MTHFS: variants seen among roughly 807,000 people sequenced by gnomAD.
MTHFS encodes methenyltetrahydrofolate synthetase.
MTHFS carries 7 observed loss-of-function variants against 12.7 expected under a neutral mutation model. That is an observed-to-expected ratio of 0.55 (90% CI 0.31 to 1.03). The LOEUF (loss-of-function observed/expected upper bound fraction) is 1.03, where lower values mean the gene tolerates loss of function less well. Ranked by LOEUF, MTHFS falls within the 50% of genes least tolerant of loss-of-function variation. The pLI, the probability that MTHFS is intolerant of heterozygous loss-of-function variation, is 0.05. For missense variants in MTHFS, 252 were observed against 258.1 expected, an observed-to-expected ratio of 0.98 and a Z score of 0.16; for synonymous variants, 100 against 97.1, an observed-to-expected ratio of 1.03 and a Z score of -0.18.
intron 2 of MTHFS, among the ~76,000 whole-genome samples, chr15:79,886,549 A>C (rs536754562): frequency 8.9e-4 from 136 of 152,298 alleles, no homozygotes; most frequent in Admixed American, 2.3e-3. Context: ...AATACTATAG[A>C]GGAGAAAAAA....
intron 2 of MTHFS, among the ~76,000 whole-genome samples, chr15:79,847,241 C>T (rs623903): frequency 0.94 from 142,445 of 152,126 alleles, 67,207 homozygotes; most frequent in East Asian, 1. Flanking sequence ...GCAGTTTACT[C>T]GCTTGGACAG....
intron 2 of MTHFS, among the ~76,000 whole-genome samples, chr15:79,847,695 T>G (rs1205258152): frequency 6.9e-6 from 1 of 144,044 alleles, no homozygotes; most frequent in Non-Finnish European, 1.5e-5. Context: ...AAAAAAGACT[T>G]AAACAGACAT....
intron 2 of MTHFS, among the ~76,000 whole-genome samples, chr15:79,882,538 G>A (rs373906508): frequency 5.3e-5 from 8 of 152,226 alleles, no homozygotes; most frequent in African/African-American, 1.7e-4. Flanking sequence ...AGATATGGCA[G>A]GTTCAGCATC....
chr15:79,880,014 C>T (rs72734760), intron 2 of MTHFS, among the ~76,000 whole-genome samples: 11,524 of 152,224 alleles, frequency 0.076, 581 homozygotes, highest in Non-Finnish European at 0.11. Flanking sequence ...GTTCAATTTC[C>T]ATCTCATGAT....
At chr15:79,857,170 A>AT (rs1000226566) in intron 2 of MTHFS, among the ~76,000 whole-genome samples, 5 of 151,266 alleles carry the variant, frequency 3.3e-5, no homozygotes, top group South Asian at 2.1e-4. Context: ...TAATTTTTAT[A>AT]TTTTTTTAGT....
intron 2 of MTHFS, among the ~76,000 whole-genome samples, chr15:79,872,103 C>CA (rs58835744): frequency 0.11 from 7,100 of 65,764 alleles, 537 homozygotes; most frequent in South Asian, 0.17. Context: ...GACTCCGTCT[C>CA]AAAAAAAAAA....
At position 79,845,412 on chromosome 15, in the gene MTHFS, A is replaced by G. The variant is rs2033594517; in HGVS notation, c.410T>C (p.Leu137Pro). 12 of 1,614,190 alleles carry G rather than the reference A, an allele frequency of 7.4e-6. No homozygotes were observed. The highest frequency in any genetic ancestry group is 1.0e-5 in the Non-Finnish European group (12 of 1,180,026). Residue 137 changes from leucine to proline, a missense_variant, in exon 3 of 3, where the codon CTT (leucine) becomes CCT (proline). Coordinates refer to ENST00000258874, the MANE Select transcript of MTHFS (RefSeq NM_006441.4). ...TCGGTTGCCATGTTTGTCAAACCCA[A>G]GGCCTGGCATGAAGATGAGATCAAG... ...GGLDLIFMPG[L>P]GFDKHGNRLG... is the part of the protein sequence containing the mutation.
intron 2 of MTHFS, among the ~76,000 whole-genome samples, chr15:79,851,859 G>T (rs182555414): frequency 6.6e-6 from 1 of 152,284 alleles, no homozygotes; most frequent in East Asian, 1.9e-4. Flanking sequence ...GCATCTTAGA[G>T]GTAGTACAGG....
At chr15:79,890,697 A>G (rs1484902387) in intron 1 of MTHFS, among the ~76,000 whole-genome samples, 5 of 152,244 alleles carry the variant, frequency 3.3e-5, no homozygotes, top group African/African-American at 9.6e-5. Flanking sequence ...ATACAGGAAC[A>G]GTAAGTCAGG....
chr15:79,896,817 G>A (rs1432784353), intron 1 of MTHFS, 55 bp downstream of exon 1: 2 of 1,528,892 alleles, frequency 1.3e-6, no homozygotes, highest in African/African-American at 1.4e-5. Context: ...ATCGCTGGCC[G>A]CCAGGCCTTC....
chr15:79,844,053 G>C lies in MTHFS; in HGVS notation c.*1157C>G, dbSNP rs2033566254. ...AGGAGAATACAGAGTTGGGAGAGAA[G>C]AGGCTAGAAAAAGTAGATGAGGAGA... On this transcript the variant is annotated 3_prime_UTR_variant, in exon 3 of 3. Transcript: ENST00000258874. The C allele has an allele frequency of 6.6e-6, 1 of 152,308 alleles. No individual in the cohort carries two copies. The highest frequency in any genetic ancestry group is 1.5e-5 in the Non-Finnish European group (1 of 68,094). 9.4% of individuals were successfully genotyped at this position (152,308 alleles called of 1,614,324 possible).
chr15:79,873,557 A>T (rs1372943618), intron 2 of MTHFS, among the ~76,000 whole-genome samples: 1 of 151,572 alleles, frequency 6.6e-6, no homozygotes, highest in Non-Finnish European at 1.5e-5. Flanking sequence ...TCCTCTCTGA[A>T]AAAAAAAATA....
chr15:79,863,244 G>A (rs2033948724), intron 2 of MTHFS, among the ~76,000 whole-genome samples: 1 of 152,270 alleles, frequency 6.6e-6, no homozygotes, highest in Non-Finnish European at 1.5e-5. Flanking sequence ...ATTCCCAAGG[G>A]ATGGTCCACT....
At chr15:79,877,806 G>T (rs1188478980) in intron 2 of MTHFS, 1 of 152,018 alleles carries the variant, frequency 6.6e-6, no homozygotes, top group African/African-American at 2.4e-5. Context: ...AATGAATGAT[G>T]ACTTCTCATC....
intron 2 of MTHFS, chr15:79,876,100 A>C (rs1863367436): frequency 6.6e-6 from 1 of 152,148 alleles, no homozygotes; most frequent in African/African-American, 2.4e-5. Flanking sequence ...TTCAAAAAGT[A>C]AATCAGAATC....
At chr15:79,871,635 A>G (rs953812752) in intron 2 of MTHFS, among the ~76,000 whole-genome samples, 1 of 152,056 alleles carries the variant, frequency 6.6e-6, no homozygotes, top group Non-Finnish European at 1.5e-5. Flanking sequence ...AAAAAATTAT[A>G]CAAATATTCT....
At chr15:79,863,151 T>C (rs753206523) in intron 2 of MTHFS, among the ~76,000 whole-genome samples, 4 of 152,220 alleles carry the variant, frequency 2.6e-5, no homozygotes, top group Non-Finnish European at 5.9e-5. Flanking sequence ...CTGGAGACTC[T>C]ACATGCTGCA....
At chr15:79,886,453 T>C (rs945234302) in intron 2 of MTHFS, among the ~76,000 whole-genome samples, 3 of 151,130 alleles carry the variant, frequency 2.0e-5, no homozygotes, top group African/African-American at 7.4e-5. Flanking sequence ...TAATCCTCTA[T>C]CCCTTTACAA....
At chr15:79,866,597 G>A (rs370432377) in intron 2 of MTHFS, among the ~76,000 whole-genome samples, 86 of 152,240 alleles carry the variant, frequency 5.6e-4, no homozygotes, top group African/African-American at 1.9e-3. Flanking sequence ...TTCAGTGCAC[G>A]TGCATACACA....
Sources: allele counts gnomAD v4.1 joint callset (sites outside exome capture counted in the v4.1 genomes callset), GRCh38; gene constraint gnomAD v4.1.1; transcripts MANE v1.5; gene names NCBI Gene and HGNC (gene_info 2026-07-23, HGNC 2026-07-21).